SPEN: variants seen among roughly 807,000 people sequenced by gnomAD.
The protein encoded by SPEN is spen family transcriptional repressor.
Under a neutral mutation model 269.9 loss-of-function variants are expected in SPEN, and 18 were observed. The ratio of observed to expected loss-of-function variants is 0.07; its 90% CI spans 0.05 to 0.10. The LOEUF (loss-of-function observed/expected upper bound fraction) is 0.10, where lower values mean the gene tolerates loss of function less well. Ranked by LOEUF, SPEN falls within the 10% of genes least tolerant of loss-of-function variation. The pLI is 1.00. For synonymous variants in SPEN, 1,726 were observed against 1,765.7 expected (o/e 0.98, Z 0.56); for missense variants, 3,822 against 4,631.2 (o/e 0.83, Z 5.07).
chr1:15,857,934 C>T (rs943144730), intron 1 of SPEN, among the ~76,000 whole-genome samples: 1 of 151,990 alleles, frequency 6.6e-6, no homozygotes, highest in East Asian at 1.9e-4. Flanking sequence ...TCGAGACCAT[C>T]CTGGCCAACA....
chr1:15,921,925 CTG>C (rs1458055297), intron 9 of SPEN, among the ~76,000 whole-genome samples: 1 of 152,150 alleles, frequency 6.6e-6, no homozygotes, highest in Non-Finnish European at 1.5e-5. Flanking sequence ...TATATTCTAA[CTG>C]TAGTTTTGGC....
intron 1 of SPEN, among the ~76,000 whole-genome samples, chr1:15,863,539 C>G (rs1219435959): frequency 6.6e-6 from 1 of 152,058 alleles, no homozygotes; most frequent in Non-Finnish European, 1.5e-5. Flanking sequence ...TAAATAGTTT[C>G]TAATATAAAA....
At chr1:15,913,601 G>A (rs1315178234) in intron 5 of SPEN, among the ~76,000 whole-genome samples, 1 of 151,560 alleles carries the variant, frequency 6.6e-6, no homozygotes, top group Non-Finnish European at 1.5e-5. Flanking sequence ...TAGGATTATA[G>A]GCATGAGCCA....
At chr1:15,894,229 G>A (rs2070816979) in intron 3 of SPEN, among the ~76,000 whole-genome samples, 1 of 152,134 alleles carries the variant, frequency 6.6e-6, no homozygotes, top group Non-Finnish European at 1.5e-5. Context: ...AAATCCCATT[G>A]TATTTGACAG....
intron 10 of SPEN, among the ~76,000 whole-genome samples, chr1:15,924,525 A>G (rs1281712330): frequency 1.3e-5 from 2 of 152,128 alleles, no homozygotes; most frequent in Admixed American, 6.5e-5. Flanking sequence ...CAATGGTGCA[A>G]TCTTGGCTTA....
intron 2 of SPEN, 103 bp downstream of exon 2, chr1:15,873,239 C>T (rs2070599673): frequency 1.4e-6 from 2 of 1,424,866 alleles, no homozygotes; most frequent in South Asian, 3.3e-5. Context: ...TTTGGGCATT[C>T]TCAATGTTTC....
intron 3 of SPEN, among the ~76,000 whole-genome samples, chr1:15,895,936 G>T (rs1346074543): frequency 6.6e-6 from 1 of 151,642 alleles, no homozygotes; most frequent in African/African-American, 2.4e-5. Context: ...CACCTGTCTC[G>T]GCCTCCCAAA....
At position 15,847,919 on chromosome 1, in the gene SPEN, G is replaced by T. The variant is rs1209381425; in HGVS notation, c.-149G>T. 5 of 336,218 alleles carry T rather than the reference G, an allele frequency of 1.5e-5. No individual in the cohort carries two copies. The highest frequency in any genetic ancestry group is 2.6e-4 in the South Asian group (2 of 7,622). The allele number at this position is 336,218 out of a possible 1,614,324, so 20.8% of individuals were successfully genotyped here. A position where few individuals can be genotyped will look rare whatever the true frequency, so the allele number is the denominator to read the frequency against. ...GGGGAGAGGGATGGTCTCTGCACGG[G>T]GGGGAGCCGGAGGAGCCGCCGCCGC... On this transcript the variant is annotated 5_prime_UTR_variant, in exon 1 of 15. Transcript: ENST00000375759.
intron 1 of SPEN, among the ~76,000 whole-genome samples, chr1:15,863,056 C>T (rs766407243): frequency 3.3e-5 from 5 of 152,002 alleles, no homozygotes; most frequent in South Asian, 2.1e-4. Flanking sequence ...CCACCGCTCC[C>T]GGCCGAATCC....
At position 15,909,365 on chromosome 1, in the gene SPEN, C is replaced by T. The variant is rs2148728201; in HGVS notation, c.926C>T (p.Ser309Leu). The change falls in exon 4 of 15, where the codon TCA (serine) becomes TTA (leucine). Residue 309 changes from serine to leucine, a missense_variant. Physicochemically the swap from Ser to Leu is moderately radical, Grantham distance 145 (BLOSUM62 -2). Around this residue, in one of 16 missense-constraint regions of SPEN, gnomAD observed 327 missense variants for 350.8 expected, o/e 0.93. Coordinates refer to ENST00000375759, the MANE Select transcript of SPEN (RefSeq NM_015001.3). ...SSSSDDSPAR[S>L]VQSAAVPAPT... is the part of the protein sequence containing the mutation. ...TCAAGTGATGATTCTCCAGCTCGAT[C>T]AGTTCAGTCTGCAGCAGTCCCTGCA... is the stretch of plus-strand genomic sequence containing the variant. 1 of 1,613,898 alleles carries T rather than the reference C, an allele frequency of 6.2e-7. No individual in the cohort carries two copies. The highest frequency in any genetic ancestry group is 8.5e-7 in the Non-Finnish European group (1 of 1,179,950).
chr1:15,877,122 T>C (rs2070638834), intron 3 of SPEN, among the ~76,000 whole-genome samples: 1 of 152,246 alleles, frequency 6.6e-6, no homozygotes, highest in Non-Finnish European at 1.5e-5. Flanking sequence ...TATCAATGAC[T>C]AGATCAACTT....
In SPEN at chr1:15,852,295, C is replaced by G. The variant is rs549988374; in HGVS notation, c.83+4145C>G. Among the ~76,000 whole-genome samples the G allele has an allele frequency of 3.9e-5, 6 of 152,230 alleles. No homozygotes were observed. The South Asian group carries it at 6.2e-4, about 16-fold the overall frequency. ...TATGGCCATACCACCCATACCACCC[C>G]CATCCCGTCTATGAAACCACCTCTG... On this transcript the variant is annotated intron_variant, in intron 1 of 14. Coordinates refer to ENST00000375759, the MANE Select transcript of SPEN (RefSeq NM_015001.3).
chr1:15,895,678 CTTT>C (rs746305617), intron 3 of SPEN, among the ~76,000 whole-genome samples: 1 of 129,670 alleles, frequency 7.7e-6, no homozygotes, highest in Non-Finnish European at 1.6e-5. Context: ...TATACTTAAC[CTTT>C]TTTTTTTTTT....
At chr1:15,901,934 T>G (rs1162091017) in intron 3 of SPEN, among the ~76,000 whole-genome samples, 3 of 144,976 alleles carry the variant, frequency 2.1e-5, no homozygotes, top group Admixed American at 2.1e-4. Context: ...TTTAGTTTTT[T>G]TTTTTTTTTT....
In SPEN at chr1:15,932,600, C is replaced by T. The variant is rs764138929; in HGVS notation, c.6360C>T (p.Ser2120=). The T allele has an allele frequency of 3.7e-6, 6 of 1,606,532 alleles. No homozygotes were observed. Among genetic ancestry groups the T allele is most frequent in the Non-Finnish European group, 5.1e-6 (6 of 1,175,162 alleles). Residue 2120 remains serine, a synonymous_variant, in exon 11 of 15, where the codon TCC becomes TCT. Coordinates refer to ENST00000375759, the MANE Select transcript of SPEN (RefSeq NM_015001.3). This position sits in a 1 kb window ranked among gnomAD's most constrained non-coding sequence, Gnocchi z 4.2. The part of the protein sequence containing the change: ...GERESGVVAV[S]PEKSESPQKE... The stretch of plus-strand genomic sequence containing the variant: ...GGGAATCTGGGGTGGTGGCAGTCTC[C>T]CCTGAGAAAAGTGAGAGTCCCCAAA...
At chr1:15,894,952 C>T (rs1001673961) in intron 3 of SPEN, among the ~76,000 whole-genome samples, 1 of 152,048 alleles carries the variant, frequency 6.6e-6, no homozygotes, top group East Asian at 1.9e-4. Flanking sequence ...GACAGAGTTT[C>T]GCTCTTGTTG....
chr1:15,860,084 TG>T lies in SPEN; in HGVS notation c.83+11935del, dbSNP rs1392616355. On this transcript the variant is annotated intron_variant, in intron 1 of 14. Transcript: ENST00000375759. ...CCGCCACCACACCCGGCTAATTTTT[TG>T]TATTTTTAGTAGAGACGGGGTTTCA... Among the ~76,000 whole-genome samples the T allele has an allele frequency of 1.2e-3, 177 of 151,506 alleles. 1 individual carries two copies. Among genetic ancestry groups the T allele is most frequent in the South Asian group, 2.1e-4 (1 of 4,782 alleles).
chr1:15,869,434 T>C (rs1389186605), intron 1 of SPEN, among the ~76,000 whole-genome samples: 1 of 152,126 alleles, frequency 6.6e-6, no homozygotes, highest in Non-Finnish European at 1.5e-5. Context: ...ACAAAAAAGG[T>C]AATATAAGTA....
At chr1:15,872,599 CAAAAA>C (rs78554897) in intron 1 of SPEN, among the ~76,000 whole-genome samples, 25,910 of 92,528 alleles carry the variant, frequency 0.28, 2,852 homozygotes, top group South Asian at 0.36. Flanking sequence ...GACTCCATCT[CAAAAA>C]AAAAAAAAAA....
Sources: allele counts gnomAD v4.1 joint callset (sites outside exome capture counted in the v4.1 genomes callset), GRCh38; gene constraint gnomAD v4.1.1; regional missense constraint gnomAD v4.1.1; non-coding constraint Gnocchi (gnomAD v3.1); transcripts MANE v1.5; gene names NCBI Gene and HGNC (gene_info 2026-07-23, HGNC 2026-07-21).